The following RHCE variants were observed in gnomAD, a reference collection of about 807,000 sequenced individuals.
RHCE encodes blood group Rh(CE) polypeptide.
In RHCE, 22 loss-of-function variants were observed where a neutral mutation model predicts 43.8. The ratio of observed to expected loss-of-function variants is 0.50; its 90% CI spans 0.36 to 0.72. The LOEUF (loss-of-function observed/expected upper bound fraction) is 0.72. Ranked by LOEUF, RHCE falls within the 30% of genes least tolerant of loss-of-function variation. RHCE has a pLI of 0.00. For synonymous variants in RHCE, 156 were observed against 210.7 expected (o/e 0.74, Z 2.25); for missense variants, 385 against 525.4 (o/e 0.73, Z 2.61).
chr1:25,381,447 TTTTC>T (rs1293412771), intron 7 of RHCE, among the ~76,000 whole-genome samples: 1 of 148,796 alleles, frequency 6.7e-6, no homozygotes, highest in Non-Finnish European at 1.5e-5. Flanking sequence ...GCTCCATTCT[TTTTC>T]TTTTTCTTTT....
At chr1:25,428,401 T>G (rs1387877060) in intron 2 of RHCE, among the ~76,000 whole-genome samples, 1 of 152,244 alleles carries the variant, frequency 6.6e-6, no homozygotes, top group Non-Finnish European at 1.5e-5. Flanking sequence ...CAATCTGCCT[T>G]GGCAGCTGAA....
At chr1:25,397,745 C>T (rs1037911681) in intron 3 of RHCE, among the ~76,000 whole-genome samples, 5 of 150,572 alleles carry the variant, frequency 3.3e-5, no homozygotes, top group African/African-American at 4.9e-5. Context: ...GACCGCTCGT[C>T]TCTTTCCCTG....
chr1:25,405,784 G>A (rs1646899038), intron 2 of RHCE, among the ~76,000 whole-genome samples: 1 of 123,130 alleles, frequency 8.1e-6, no homozygotes, highest in Non-Finnish European at 1.9e-5. Flanking sequence ...AATAAGATAG[G>A]CCCCTCCCCT....
At chr1:25,418,148 TC>T (rs2042652052) in intron 1 of RHCE, among the ~76,000 whole-genome samples, 1 of 152,032 alleles carries the variant, frequency 6.6e-6, no homozygotes, top group African/African-American at 2.4e-5. Context: ...TCCCTCAGCT[TC>T]CCAAGCAGCT....
At position 25,370,478 on chromosome 1, in the gene RHCE, C is replaced by T. The variant is rs1303992187; in HGVS notation, c.1216G>A (p.Val406Ile). 1.2e-6 allele frequency: 2 copies of T among 1,612,192 alleles called. No homozygotes were observed. The highest frequency in any genetic ancestry group is 2.2e-5 in the South Asian group (2 of 91,056). Reference protein sequence around the residue: ...PHVAKYFDDQVFWKFPHLAVG... With the variant: ...PHVAKYFDDQIFWKFPHLAVG... ...GTGAAAAATCTTACCTTCCAGAAAACTTGGTCATCAAAATATTTAGCCACA... is the reference window on the plus strand; with the variant it reads ...GTGAAAAATCTTACCTTCCAGAAAATTTGGTCATCAAAATATTTAGCCACA... The change falls in exon 9 of 10, where the codon GTT (valine) becomes ATT (isoleucine). Residue 406 changes from valine to isoleucine, a missense_variant. Val to Ile is a conservative substitution (Grantham distance 29). Coordinates refer to ENST00000294413, the MANE Select transcript of RHCE (RefSeq NM_020485.8).
intron 3 of RHCE, among the ~76,000 whole-genome samples, chr1:25,392,537 A>G (rs1646407333): frequency 6.8e-6 from 1 of 147,636 alleles, no homozygotes; most frequent in African/African-American, 2.5e-5. Context: ...CTGGGATTAC[A>G]GGCATGAGCC....
intron 7 of RHCE, among the ~76,000 whole-genome samples, chr1:25,381,668 G>C (rs1419637762): frequency 6.6e-6 from 1 of 151,760 alleles, no homozygotes; most frequent in Non-Finnish European, 1.5e-5. Flanking sequence ...ATGTTAGCCA[G>C]GCTGGTCTCG....
rs575202741 is a variant in RHCE at position 25,406,238 on chromosome 1, C to G, written c.335+2445G>C. Among the ~76,000 whole-genome samples, 9 of 85,856 alleles carry G rather than the reference C, an allele frequency of 1.0e-4. 1 individual carries two copies. The highest frequency in any genetic ancestry group is 5.7e-4 in the African/African-American group (9 of 15,814). 56.3% of individuals were successfully genotyped at this position (85,856 alleles called of 152,430 possible). A position where few individuals can be genotyped will look rare whatever the true frequency, so the allele number is the denominator to read the frequency against. Reference sequence around the variant, plus strand: ...GATGCAGTGTGTGTATGCGGGCGTGCGTGCGTGCGTGCGTGTGTGTGTGTG... The same window carrying G: ...GATGCAGTGTGTGTATGCGGGCGTGGGTGCGTGCGTGCGTGTGTGTGTGTG... On this transcript the variant is annotated intron_variant, in intron 2 of 9. Coordinates refer to ENST00000294413, the MANE Select transcript of RHCE (RefSeq NM_020485.8).
intron 1 of RHCE, among the ~76,000 whole-genome samples, chr1:25,416,679 C>T (rs1647486712): frequency 6.6e-6 from 1 of 151,830 alleles, no homozygotes; most frequent in Admixed American, 6.6e-5. Context: ...TGAAGTGGTA[C>T]AATCCCGTCC....
intron 8 of RHCE, among the ~76,000 whole-genome samples, chr1:25,371,269 T>G (rs543957090): frequency 6.6e-6 from 1 of 151,608 alleles, no homozygotes; most frequent in East Asian, 1.9e-4. Flanking sequence ...AGTCAACTCC[T>G]GGGAACCTCA....
chr1:25,411,092 A>AAAATAAAT (rs375989102), intron 1 of RHCE, among the ~76,000 whole-genome samples: 71 of 151,490 alleles, frequency 4.7e-4, no homozygotes, highest in Admixed American at 2.7e-3. Context: ...ACTCTGTCTC[A>AAAATAAAT]AAATAAATAA....
intron 8 of RHCE, among the ~76,000 whole-genome samples, chr1:25,374,601 T>A (rs1409512644): frequency 7.4e-6 from 1 of 135,254 alleles, no homozygotes; most frequent in Admixed American, 7.8e-5. Context: ...CCAACCACAC[T>A]GGTCTCCTTA....
intron 7 of RHCE, among the ~76,000 whole-genome samples, chr1:25,377,823 T>G (rs1250338921): frequency 1.3e-5 from 2 of 152,210 alleles, no homozygotes; most frequent in Non-Finnish European, 2.9e-5. Flanking sequence ...GAGAATTGCT[T>G]GAACCTGGGA....
chr1:25,405,722 A>G lies in RHCE; in HGVS notation c.335+2961T>C, dbSNP rs148090213. Among the ~76,000 whole-genome samples, 6 of 123,866 alleles carry G rather than the reference A, an allele frequency of 4.8e-5. 1 individual carries two copies. The highest frequency in any genetic ancestry group is 7.4e-5 in the Non-Finnish European group (4 of 54,168). 81.3% of individuals were successfully genotyped at this position (123,866 alleles called of 152,430 possible). A position where few individuals can be genotyped will look rare whatever the true frequency, so the allele number is the denominator to read the frequency against. On this transcript the variant is annotated intron_variant, in intron 2 of 9. Transcript: ENST00000294413. ...TTCCATTTATTTTCATTTTTGTTCC[A>G]ATAGCCATTTGCTAAGTTATCAGTA...
At chr1:25,422,958 C>T (rs376778348), upstream of RHCE, among the ~76,000 whole-genome samples, 4 of 152,114 alleles carry the variant, frequency 2.6e-5, no homozygotes, top group African/African-American at 9.7e-5. Context: ...GGAGCTCAGG[C>T]GGTAGTGCTC....
chr1:25,406,718 A>C (rs142561320), intron 2 of RHCE, among the ~76,000 whole-genome samples: 7,649 of 109,942 alleles, frequency 0.07, 1,252 homozygotes, highest in African/African-American at 0.2. Context: ...CTCCGCCTCC[A>C]AGGTTCACGC....
At chr1:25,414,042 T>C (rs1166705786) in intron 1 of RHCE, among the ~76,000 whole-genome samples, 4 of 152,228 alleles carry the variant, frequency 2.6e-5, no homozygotes, top group Admixed American at 1.3e-4. Context: ...GCCATGAGCA[T>C]TGAGCTCGCT....
chr1:25,391,186 T>G (rs1156574398), intron 4 of RHCE, among the ~76,000 whole-genome samples: 1 of 152,168 alleles, frequency 6.6e-6, no homozygotes, highest in Non-Finnish European at 1.5e-5. Context: ...TATTTTAATT[T>G]TTTTTTCTTT....
intron 1 of RHCE, among the ~76,000 whole-genome samples, chr1:25,429,415 A>G (rs1411573937): frequency 6.6e-6 from 1 of 152,070 alleles, no homozygotes; most frequent in Non-Finnish European, 1.5e-5. Context: ...GGCCTCCCAA[A>G]GTGCTGGGAT....
Sources: gnomAD v4.1 joint callset for allele counts (sites outside exome capture counted in the v4.1 genomes callset) on GRCh38, gnomAD v4.1.1 for gene constraint, MANE v1.5 for transcripts, NCBI Gene and HGNC (gene_info 2026-07-23, HGNC 2026-07-21) for gene names.